Variants in BANK1 observed in about 807,000 individuals in gnomAD.
BANK1 encodes B-cell scaffold protein with ankyrin repeats.
BANK1 carries 95 observed loss-of-function variants against 94.5 expected under a neutral mutation model. The observed-to-expected ratio is 1.00, with a 90% CI of 0.85 to 1.19. The LOEUF (loss-of-function observed/expected upper bound fraction) is 1.19. Among genes scored for constraint, BANK1 ranks in the 50% most tolerant of loss-of-function variants. The pLI is 0.00. For synonymous variants in BANK1, 334 were observed against 308.4 expected, an observed-to-expected ratio of 1.08 and a Z score of -0.87; for missense variants, 987 against 932.2, an observed-to-expected ratio of 1.06 and a Z score of -0.77.
At chr4:101,990,581 A>C (rs957546985) in intron 7 of BANK1, among the ~76,000 whole-genome samples, 4 of 152,184 alleles carry the variant, frequency 2.6e-5, no homozygotes, top group Non-Finnish European at 4.4e-5. Flanking sequence ...ATTTTTCCTT[A>C]TAAATCTTTT....
intron 7 of BANK1, among the ~76,000 whole-genome samples, chr4:101,997,657 T>G (rs1725926873): frequency 6.6e-6 from 1 of 152,202 alleles, no homozygotes; most frequent in Non-Finnish European, 1.5e-5. Flanking sequence ...TGGGATGGTG[T>G]ATGTGTCCAG....
chr4:102,046,392 A>G (rs931397939), intron 11 of BANK1, among the ~76,000 whole-genome samples: 1 of 152,164 alleles, frequency 6.6e-6, no homozygotes, highest in Non-Finnish European at 1.5e-5. Flanking sequence ...TAACAAAGGC[A>G]TGAAATAACC....
chr4:102,051,080 T>C (rs563318391), intron 11 of BANK1, among the ~76,000 whole-genome samples: 1 of 152,312 alleles, frequency 6.6e-6, no homozygotes, highest in Admixed American at 6.5e-5. Context: ...TGTGCATTGC[T>C]GTAGCACTTT....
intron 6 of BANK1, among the ~76,000 whole-genome samples, chr4:101,907,739 C>G (rs1325710794): frequency 6.6e-6 from 1 of 152,072 alleles, no homozygotes; most frequent in East Asian, 1.9e-4. Flanking sequence ...GCAAAAATCA[C>G]AAGCATTCTT....
intron 7 of BANK1, among the ~76,000 whole-genome samples, chr4:101,956,739 A>C (rs1295245444): frequency 6.6e-6 from 1 of 152,132 alleles, no homozygotes. Context: ...AAAGAGAATA[A>C]AAAAAATGCT....
chr4:101,882,176 C>T (rs923441624), intron 5 of BANK1, among the ~76,000 whole-genome samples: 7 of 152,152 alleles, frequency 4.6e-5, no homozygotes, highest in African/African-American at 1.7e-4. Context: ...CAAAACATCT[C>T]ATGTCCCCCA....
intron 3 of BANK1, among the ~76,000 whole-genome samples, chr4:101,856,500 GA>G (rs1451997110): frequency 4.1e-4 from 63 of 152,232 alleles, no homozygotes; most frequent in African/African-American, 1.4e-3. Context: ...CTCTCAAGTA[GA>G]TGAAATCAAA....
At chr4:101,964,287 G>C (rs1049137789) in intron 7 of BANK1, among the ~76,000 whole-genome samples, 1 of 151,948 alleles carries the variant, frequency 6.6e-6, no homozygotes, top group African/African-American at 2.4e-5. Flanking sequence ...GGGGGAATTG[G>C]CTTCTTATGT....
At chr4:102,067,477 C>G in intron 13 of BANK1, among the ~76,000 whole-genome samples, 1 of 151,542 alleles carries the variant, frequency 6.6e-6, no homozygotes. Flanking sequence ...GTTCCTATGA[C>G]AATAGTAAAC....
chr4:101,946,110 A>T (rs1224108305), intron 7 of BANK1, among the ~76,000 whole-genome samples: 1 of 151,964 alleles, frequency 6.6e-6, no homozygotes, highest in African/African-American at 2.4e-5. Flanking sequence ...GACAATAATC[A>T]AACAAATGAT....
intron 2 of BANK1, among the ~76,000 whole-genome samples, chr4:101,846,685 A>C (rs1179811191): frequency 1.3e-5 from 2 of 152,194 alleles, no homozygotes; most frequent in Non-Finnish European, 2.9e-5. Context: ...TACAGTTTTA[A>C]ACAAGCAGAT....
At chr4:101,839,968 TTTTTTTTTTTTTTTTTTTG>T (rs1726977420) in intron 2 of BANK1, among the ~76,000 whole-genome samples, 1 of 77,084 alleles carries the variant, frequency 1.3e-5, no homozygotes, top group Admixed American at 1.4e-4. Context: ...TTTTTTTTTT[TTTTTTTTTTTTTTTTTTTG>T]AGACAGAGTC....
intron 7 of BANK1, among the ~76,000 whole-genome samples, chr4:101,997,126 G>GT (rs1725906167): frequency 6.6e-6 from 1 of 152,092 alleles, no homozygotes; most frequent in South Asian, 2.1e-4. Context: ...TTTTTTGAGA[G>GT]TTTTTACCAT....
chr4:101,949,680 A>T (rs1368739715), intron 7 of BANK1, among the ~76,000 whole-genome samples: 1 of 152,194 alleles, frequency 6.6e-6, no homozygotes, highest in African/African-American at 2.4e-5. Flanking sequence ...GGAAAAGAAC[A>T]TACTATGCCT....
At chr4:102,007,970 A>G (rs907938366) in intron 7 of BANK1, among the ~76,000 whole-genome samples, 22 of 152,202 alleles carry the variant, frequency 1.4e-4, no homozygotes, top group Admixed American at 2.6e-4. Context: ...AAATTTTTAA[A>G]CTTTCATTTT....
At chr4:101,952,938 A>G (rs549463551) in intron 7 of BANK1, among the ~76,000 whole-genome samples, 27 of 152,284 alleles carry the variant, frequency 1.8e-4, no homozygotes, top group Non-Finnish European at 3.5e-4. Flanking sequence ...TTCTGTCGTA[A>G]TAACCAACGG....
chr4:101,975,592 A>G (rs1725096529), intron 7 of BANK1, among the ~76,000 whole-genome samples: 1 of 152,156 alleles, frequency 6.6e-6, no homozygotes, highest in South Asian at 2.1e-4. Flanking sequence ...CTAATAATAA[A>G]ATCACCACCT....
chr4:102,051,849 A>G (rs1728057686), intron 11 of BANK1, among the ~76,000 whole-genome samples: 1 of 152,104 alleles, frequency 6.6e-6, no homozygotes, highest in Non-Finnish European at 1.5e-5. Context: ...AAGCTCTAAA[A>G]TGGAGGGATG....
intron 5 of BANK1, among the ~76,000 whole-genome samples, chr4:101,882,800 T>C (rs1728725508): frequency 6.6e-6 from 1 of 151,698 alleles, no homozygotes; most frequent in African/African-American, 2.4e-5. Flanking sequence ...ACAACCACTC[T>C]CTATTCTGGA....
Sources: gnomAD v4.1 joint callset for allele counts (sites outside exome capture counted in the v4.1 genomes callset) on GRCh38, gnomAD v4.1.1 for gene constraint, MANE v1.5 for transcripts, NCBI Gene and HGNC (gene_info 2026-07-23, HGNC 2026-07-21) for gene names.